Variants in ALPK3 observed in about 807,000 individuals in gnomAD.
The protein encoded by ALPK3 is alpha-protein kinase 3.
A neutral mutation model predicts 140.0 loss-of-function variants in ALPK3; 102 were observed. The ratio of observed to expected loss-of-function variants is 0.73; its 90% CI spans 0.62 to 0.86. The LOEUF (loss-of-function observed/expected upper bound fraction) is 0.86. Ranked by LOEUF, ALPK3 falls within the 40% of genes least tolerant of loss-of-function variation. The pLI is 0.00. For synonymous variants in ALPK3, 938 were observed against 898.5 expected (o/e 1.04, Z -0.79); for missense variants, 2,254 against 2,208.2 (o/e 1.02, Z -0.42).
intron 5 of ALPK3, among the ~76,000 whole-genome samples, chr15:84,855,464 T>G (rs114537495): frequency 5.1e-4 from 77 of 152,308 alleles, no homozygotes; most frequent in African/African-American, 1.7e-3. Context: ...GGAGTTTGCT[T>G]TGTTTATTTC....
Position 84,817,430 on chromosome 15 carries a change from C to A in ALPK3, c.-23C>A. 1 of 1,254,318 alleles carries A rather than the reference C, an allele frequency of 8.0e-7. No homozygotes were observed. The highest frequency in any genetic ancestry group is 1.0e-6 in the Non-Finnish European group (1 of 1,004,976). The allele number at this position is 1,254,318 out of a possible 1,614,324, so 77.7% of individuals were successfully genotyped here. A position where few individuals can be genotyped will look rare whatever the true frequency, so the allele number is the denominator to read the frequency against. On this transcript the variant is annotated 5_prime_UTR_variant, in exon 1 of 14. Coordinates refer to ENST00000258888, the MANE Select transcript of ALPK3 (RefSeq NM_020778.5). ...GGCGAGGCAGCGGCGAGTGCGGGGC[C>A]GGCGGTCGGGGAGGGCGGTGCCATG...
rs769870094 is a variant in ALPK3, at chr15:84,857,907, G to A, written c.3169G>A (p.Ala1057Thr). 1.1e-5 allele frequency: 17 copies of A among 1,611,280 alleles called. 1 individual carries two copies. Among genetic ancestry groups the A allele is most frequent in the African/African-American group, 6.7e-5 (5 of 74,894 alleles). The change falls in exon 6 of 14, where the codon GCT (alanine) becomes ACT (threonine). Residue 1057 changes from alanine to threonine, a missense_variant. By Grantham distance (58) the Ala-to-Thr change is moderately conservative. Around this residue, in one of 3 missense-constraint regions of ALPK3, gnomAD observed 2,088 missense variants for 2,022.9 expected, o/e 1.03. Transcript: ENST00000258888. ...EVQAGRQALA[A>T]ARGSWGPGPS... ...GCAGGCTGGCCGCCAGGCCCTTGCT[G>A]CTGCCCGAGGCTCCTGGGGTCCTGG... is the stretch of plus-strand genomic sequence containing the variant.
intron 2 of ALPK3, 135 bp downstream of exon 2, chr15:84,823,503 G>A: frequency 2.0e-6 from 2 of 982,616 alleles, no homozygotes; most frequent in African/African-American, 1.6e-5. Context: ...GGTGGGGAGA[G>A]TGCAAGAAGG....
chr15:84,857,356 C>G lies in ALPK3; in HGVS notation c.2618C>G (p.Thr873Ser), dbSNP rs1963877457. ...CCCACGATGCCTTCTCTTCCTGGAA[C>G]TGGGCTGACAGCTAGCCCAAAGGCG... is the stretch of plus-strand genomic sequence containing the variant. ...EVPTMPSLPG[T>S]GLTASPKAGP... Residue 873 changes from threonine to serine, a missense_variant, in exon 6 of 14, where the codon ACT becomes AGT. Physicochemically the swap from Thr to Ser is moderately conservative, Grantham distance 58. This residue lies in a region of ALPK3 where 2,088 missense variants were observed against 2,022.9 expected (regional missense o/e 1.03). Transcript: ENST00000258888. 3 of 1,614,198 alleles carry G rather than the reference C, an allele frequency of 1.9e-6. No homozygotes were observed. Among genetic ancestry groups the G allele is most frequent in the East Asian group, 2.2e-5 (1 of 44,892 alleles).
At chr15:84,844,333 G>A (rs1165733803) in intron 5 of ALPK3, among the ~76,000 whole-genome samples, 1 of 152,080 alleles carries the variant, frequency 6.6e-6, no homozygotes, top group Non-Finnish European at 1.5e-5. Context: ...CTTAAACCTG[G>A]GAAGCAGAGG....
Position 84,862,743 on chromosome 15 carries a change from G to A in ALPK3, c.4238G>A (p.Gly1413Glu). ...CGACTGGTAAGCGAGGAGCTCCGAG[G>A]GGGTGGATATGGGTGTGGCCTTCGG... is the stretch of plus-strand genomic sequence containing the variant. ...FGRLVSEELRGGGYGCGLRKA... is the reference protein window; with the variant it reads ...FGRLVSEELREGGYGCGLRKA... Residue 1413 changes from glycine to glutamate, a missense_variant, in exon 10 of 14, where the codon GGG becomes GAG. Physicochemically the swap from Gly to Glu is moderately conservative, Grantham distance 98 (BLOSUM62 -2). This residue lies in a region of ALPK3 where 2,088 missense variants were observed against 2,022.9 expected (regional missense o/e 1.03). Transcript: ENST00000258888. The A allele has an allele frequency of 1.2e-6, 2 of 1,614,172 alleles. No individual in the cohort carries two copies. The highest frequency in any genetic ancestry group is 1.3e-5 in the African/African-American group (1 of 75,054).
intron 2 of ALPK3, among the ~76,000 whole-genome samples, chr15:84,826,669 C>A (rs1318436303): frequency 6.6e-6 from 1 of 152,156 alleles, no homozygotes. Context: ...CCCCTGAAAT[C>A]TGGGAGATGG....
intron 1 of ALPK3, among the ~76,000 whole-genome samples, chr15:84,820,387 A>G (rs1468477979): frequency 6.6e-6 from 1 of 152,172 alleles, no homozygotes; most frequent in Non-Finnish European, 1.5e-5. Context: ...TATGTCCCAG[A>G]CTAGATGAAA....
At chr15:84,864,717 T>G in intron 12 of ALPK3, 52 bp downstream of exon 12, 2 of 1,570,292 alleles carry the variant, frequency 1.3e-6, no homozygotes, top group Non-Finnish European at 1.7e-6. Flanking sequence ...TGTGAAAGCA[T>G]GCAGAGGAGG....
chr15:84,856,439 C>A lies in ALPK3; in HGVS notation c.1701C>A (p.Ser567Arg), dbSNP rs569373436. ...TTTAPTMSAS[S>R]SSDVASIGVS... ...CGGCTCCTACCATGTCGGCCAGCAG[C>A]AGCTCTGATGTAGCCTCCATTGGGG... Residue 567 changes from serine (S) to arginine (R), a missense_variant, in exon 6 of 14, where the codon AGC (serine) becomes AGA (arginine). Transcript: ENST00000258888. 1.7e-5 allele frequency: 28 copies of A among 1,611,574 alleles called. No individual in the cohort carries two copies. In the South Asian group the frequency reaches 3.0e-4, roughly 17 times the overall value.
chr15:84,860,533 G>A (rs1180603665), intron 9 of ALPK3, among the ~76,000 whole-genome samples: 1 of 152,206 alleles, frequency 6.6e-6, no homozygotes, highest in African/African-American at 2.4e-5. Context: ...TGGTGATCAT[G>A]AAATACCTTC....
chr15:84,847,398 C>G (rs1313260332), intron 5 of ALPK3, among the ~76,000 whole-genome samples: 1 of 152,072 alleles, frequency 6.6e-6, no homozygotes, highest in East Asian at 1.9e-4. Flanking sequence ...TGAAAACTTT[C>G]AAAATTTGGC....
At chr15:84,825,734 G>T (rs1249135216) in intron 2 of ALPK3, among the ~76,000 whole-genome samples, 2 of 152,156 alleles carry the variant, frequency 1.3e-5, no homozygotes, top group Non-Finnish European at 2.9e-5. Context: ...GTTTAGCCTG[G>T]TGGTTTCTGG....
chr15:84,836,779 A>G (rs1291954086), intron 3 of ALPK3, among the ~76,000 whole-genome samples: 6 of 152,156 alleles, frequency 3.9e-5, no homozygotes, highest in Non-Finnish European at 8.8e-5. Flanking sequence ...ATGAGCATAC[A>G]TATATTTGAA....
At chr15:84,827,707 A>G (rs1963504940) in intron 3 of ALPK3, 102 bp downstream of exon 3, 2 of 1,476,744 alleles carry the variant, frequency 1.4e-6, no homozygotes, top group Admixed American at 3.7e-5. Context: ...CTGTGTGCAC[A>G]AAACTACGTG....
Position 84,817,397 on chromosome 15 carries a change from G to T in ALPK3, c.-56G>T. The stretch of plus-strand genomic sequence containing the variant: ...GGCAGGGGCCCGGGGGCCGGGGCCT[G>T]GAGGACAGGCGAGGCAGCGGCGAGT... On this transcript the variant is annotated 5_prime_UTR_variant, in exon 1 of 14. Coordinates refer to ENST00000258888, the MANE Select transcript of ALPK3 (RefSeq NM_020778.5). The T allele has an allele frequency of 8.2e-7, 1 of 1,226,910 alleles. No homozygotes were observed. Among genetic ancestry groups the T allele is most frequent in the South Asian group, 3.8e-5 (1 of 26,582 alleles). The allele number at this position is 1,226,910 out of a possible 1,614,324, so 76.0% of individuals were successfully genotyped here. A position where few individuals can be genotyped will look rare whatever the true frequency, so the allele number is the denominator to read the frequency against.
At chr15:84,843,728 A>C (rs943905070) in intron 5 of ALPK3, among the ~76,000 whole-genome samples, 17 of 152,250 alleles carry the variant, frequency 1.1e-4, no homozygotes, top group African/African-American at 4.1e-4. Flanking sequence ...CTTAAGCCTG[A>C]AATTATTTTT....
chr15:84,826,004 A>T (rs1337841559), intron 2 of ALPK3, among the ~76,000 whole-genome samples: 1 of 152,134 alleles, frequency 6.6e-6, no homozygotes, highest in Admixed American at 6.5e-5. Flanking sequence ...ATGTTCAGGT[A>T]TGTGAGATTG....
At chr15:84,847,866 C>T (rs139320950) in intron 5 of ALPK3, among the ~76,000 whole-genome samples, 172 of 152,034 alleles carry the variant, frequency 1.1e-3, no homozygotes, top group African/African-American at 4.0e-3. Flanking sequence ...CGAGACCAGC[C>T]TGACCAACAT....
Sources: allele counts gnomAD v4.1 joint callset (sites outside exome capture counted in the v4.1 genomes callset), GRCh38; gene constraint gnomAD v4.1.1; regional missense constraint gnomAD v4.1.1; transcripts MANE v1.5; gene names NCBI Gene and HGNC (gene_info 2026-07-23, HGNC 2026-07-21).